Variants in CCDC12 observed in about 807,000 individuals in gnomAD.
The protein encoded by CCDC12 is coiled-coil domain-containing protein 12.
Under a neutral mutation model 25.7 loss-of-function variants are expected in CCDC12, and 28 were observed. The ratio of observed to expected loss-of-function variants is 1.09; its 90% CI spans 0.81 to 1.50. The LOEUF (loss-of-function observed/expected upper bound fraction) is 1.50. CCDC12 is among the 40% of genes most tolerant of loss of function. The pLI is 0.00. For missense variants in CCDC12, 198 were observed against 210.0 expected, an observed-to-expected ratio of 0.94 and a Z score of 0.35; for synonymous variants, 75 against 87.7, an observed-to-expected ratio of 0.86 and a Z score of 0.81.
intron 1 of CCDC12, among the ~76,000 whole-genome samples, chr3:46,945,426 C>T (rs1407304226): frequency 6.6e-6 from 1 of 152,248 alleles, no homozygotes; most frequent in African/African-American, 2.4e-5. Context: ...AGACCTTGCA[C>T]CCCTGCCCTC....
chr3:46,944,357 C>T (rs1268692629), intron 1 of CCDC12, among the ~76,000 whole-genome samples: 1 of 152,082 alleles, frequency 6.6e-6, no homozygotes, highest in Non-Finnish European at 1.5e-5. Context: ...ACCCGCCTCT[C>T]CTGCGCTCCC....
At chr3:46,945,330 T>C (rs186093421) in intron 1 of CCDC12, among the ~76,000 whole-genome samples, 78 of 152,352 alleles carry the variant, frequency 5.1e-4, no homozygotes, top group Non-Finnish European at 9.0e-4. Flanking sequence ...AGAGTCATGG[T>C]CTGGGCTGGG....
intron 1 of CCDC12, among the ~76,000 whole-genome samples, chr3:46,955,202 G>A (rs565608924): frequency 8.2e-5 from 5 of 60,678 alleles, no homozygotes; most frequent in African/African-American, 1.4e-4. Flanking sequence ...ACTTGTCCTC[G>A]TGGGCAAGTC....
At chr3:46,945,596 T>C (rs920609378) in intron 1 of CCDC12, among the ~76,000 whole-genome samples, 6 of 152,262 alleles carry the variant, frequency 3.9e-5, no homozygotes, top group African/African-American at 1.4e-4. Context: ...ATTAGAGCTG[T>C]GCAAAGTTGG....
upstream of CCDC12, among the ~76,000 whole-genome samples, chr3:46,977,471 C>CAAA (rs61340798): frequency 2.5e-5 from 3 of 120,296 alleles, no homozygotes; most frequent in African/African-American, 9.9e-5. Context: ...GACTCCGTCT[C>CAAA]AAAAAAAAAA....
At chr3:46,961,292 T>G (rs2034455515) in intron 1 of CCDC12, among the ~76,000 whole-genome samples, 1 of 152,210 alleles carries the variant, frequency 6.6e-6, no homozygotes, top group African/African-American at 2.4e-5. Context: ...CAATTCTTAG[T>G]GCTACAGAAT....
chr3:46,953,181 T>C (rs1263270976), intron 1 of CCDC12, among the ~76,000 whole-genome samples: 3 of 152,018 alleles, frequency 2.0e-5, no homozygotes, highest in Non-Finnish European at 2.9e-5. Flanking sequence ...CAGAGGTGTT[T>C]AGAGCTGTGT....
At position 46,974,952 on chromosome 3, in the gene CCDC12, G is replaced by C. The variant is rs2034919850; in HGVS notation, c.96+1685C>G. ...TGGAGACATGAAGAAACCCAGCTCA[G>C]AGAGATGAAGCAATGTGTCCCAAGT... On this transcript the variant is annotated intron_variant, in intron 1 of 6. Transcript: ENST00000683445. Among the ~76,000 whole-genome samples, 4 of 152,212 alleles carry C rather than the reference G, an allele frequency of 2.6e-5. No homozygotes were observed. In the South Asian group the frequency reaches 8.3e-4, roughly 32 times the overall value.
At chr3:46,954,398 T>C (rs184948062) in intron 1 of CCDC12, among the ~76,000 whole-genome samples, 49 of 152,218 alleles carry the variant, frequency 3.2e-4, no homozygotes, top group Non-Finnish European at 8.8e-5. Flanking sequence ...CCTCAGTGGG[T>C]GGCCCCTGTA....
chr3:46,938,526 T>TG (rs2033553000), intron 2 of CCDC12, among the ~76,000 whole-genome samples: 2 of 144,680 alleles, frequency 1.4e-5, no homozygotes, highest in African/African-American at 5.1e-5. Context: ...CTGTTTTTTT[T>TG]TTTTTTTTTT....
chr3:46,960,695 C>A (rs1424692336), intron 1 of CCDC12, among the ~76,000 whole-genome samples: 1 of 152,186 alleles, frequency 6.6e-6, no homozygotes. Flanking sequence ...GAAGCCAGGG[C>A]CCCAGAATTT....
chr3:46,925,122 C>T (rs1367940805), intron 3 of CCDC12: 2 of 462,052 alleles, frequency 4.3e-6, no homozygotes, highest in Non-Finnish European at 8.5e-6. Context: ...TGCCCTGCTG[C>T]CCAAGGGCCC....
At chr3:46,981,259 A>G (rs1378416492), upstream of CCDC12, among the ~76,000 whole-genome samples, 1 of 152,092 alleles carries the variant, frequency 6.6e-6, no homozygotes, top group Non-Finnish European at 1.5e-5. Flanking sequence ...CCTGGCCAAC[A>G]TGGTGAAACC....
At chr3:46,963,820 C>G (rs922585304) in intron 1 of CCDC12, among the ~76,000 whole-genome samples, 4 of 152,272 alleles carry the variant, frequency 2.6e-5, no homozygotes, top group African/African-American at 9.6e-5. Context: ...CTCCACCTCC[C>G]AGCCGCCTGC....
chr3:46,972,467 A>C (rs2034832515), intron 1 of CCDC12, among the ~76,000 whole-genome samples: 1 of 152,232 alleles, frequency 6.6e-6, no homozygotes, highest in African/African-American at 2.4e-5. Context: ...AGCCCAATTA[A>C]AAATATGGGC....
At chr3:46,946,156 C>T (rs1470737497) in intron 1 of CCDC12, among the ~76,000 whole-genome samples, 1 of 152,172 alleles carries the variant, frequency 6.6e-6, no homozygotes, top group African/African-American at 2.4e-5. Flanking sequence ...CTCCTCTTGC[C>T]CCTTCCCACC....
intron 1 of CCDC12, 66 bp from the exon 2 acceptor site, chr3:46,941,131 G>A: frequency 2.0e-6 from 3 of 1,512,558 alleles, no homozygotes; most frequent in Middle Eastern, 1.7e-4. Flanking sequence ...ACGTGGCCCA[G>A]GGAGCTAAAG....
At chr3:46,967,031 C>A (rs767633653) in intron 1 of CCDC12, among the ~76,000 whole-genome samples, 6 of 152,198 alleles carry the variant, frequency 3.9e-5, no homozygotes, top group Non-Finnish European at 7.4e-5. Flanking sequence ...GTGGTCTAAG[C>A]TCTGTCACCA....
chr3:46,935,549 G>A (rs1395084711), intron 2 of CCDC12, among the ~76,000 whole-genome samples: 2 of 151,890 alleles, frequency 1.3e-5, no homozygotes, highest in African/African-American at 2.4e-5. Flanking sequence ...TGACATGAAC[G>A]CCCCTGAATG....
Sources: allele counts gnomAD v4.1 joint callset (sites outside exome capture counted in the v4.1 genomes callset), GRCh38; gene constraint gnomAD v4.1.1; transcripts MANE v1.5; gene names NCBI Gene and HGNC (gene_info 2026-07-23, HGNC 2026-07-21).